The following SGIP1 variants were observed in gnomAD, a reference collection of about 807,000 sequenced individuals.
SGIP1 encodes SH3GL interacting endocytic adaptor 1, also known as SH3-containing GRB2-like protein 3-interacting protein 1.
A neutral mutation model predicts 107.5 loss-of-function variants in SGIP1; 38 were observed. The ratio of observed to expected loss-of-function variants is 0.35; its 90% CI spans 0.27 to 0.46. The LOEUF (loss-of-function observed/expected upper bound fraction) is 0.46. Among genes scored for constraint, SGIP1 ranks in the 20% least tolerant of loss-of-function variants. The pLI is 1.00. For missense variants in SGIP1, 929 were observed against 1,019.5 expected, an observed-to-expected ratio of 0.91 and a Z score of 1.21; for synonymous variants, 365 against 366.1, an observed-to-expected ratio of 1.00 and a Z score of 0.03.
chr1:66,608,392 T>C (rs1287674457), intron 1 of SGIP1, among the ~76,000 whole-genome samples: 1 of 152,260 alleles, frequency 6.6e-6, no homozygotes, highest in African/African-American at 2.4e-5. Flanking sequence ...ATATATATTC[T>C]TGCTAATACA....
intron 7 of SGIP1, among the ~76,000 whole-genome samples, chr1:66,645,246 G>T (rs1183824576): frequency 1.3e-5 from 2 of 152,206 alleles, no homozygotes; most frequent in Non-Finnish European, 2.9e-5. Context: ...CACAGTCCCA[G>T]AAACATAGTG....
At chr1:66,616,619 C>T (rs2069381782) in intron 1 of SGIP1, among the ~76,000 whole-genome samples, 2 of 152,142 alleles carry the variant, frequency 1.3e-5, no homozygotes, top group Admixed American at 1.3e-4. Flanking sequence ...TGTGTCTGCT[C>T]CCCATGGATC....
chr1:66,633,974 C>T (rs1388521625), intron 3 of SGIP1: 1 of 928,274 alleles, frequency 1.1e-6, no homozygotes, highest in Non-Finnish European at 1.6e-6. Context: ...AGGTTCTTAG[C>T]TTTGGGGCGC....
At chr1:66,688,768 A>G (rs1046885855) in intron 15 of SGIP1, among the ~76,000 whole-genome samples, 2 of 152,202 alleles carry the variant, frequency 1.3e-5, no homozygotes, top group African/African-American at 2.4e-5. Context: ...CATCTTGGAC[A>G]TAAATTCTAC....
intron 1 of SGIP1, among the ~76,000 whole-genome samples, chr1:66,549,230 T>C (rs1258205632): frequency 2.0e-5 from 3 of 151,988 alleles, no homozygotes; most frequent in Non-Finnish European, 4.4e-5. Context: ...TTCCTCTCTT[T>C]CTTTTTTCTT....
At chr1:66,731,337 A>C (rs1287438496) in intron 20 of SGIP1, among the ~76,000 whole-genome samples, 1 of 152,216 alleles carries the variant, frequency 6.6e-6, no homozygotes, top group Non-Finnish European at 1.5e-5. Flanking sequence ...GTTTGTTTGT[A>C]AATATGACTG....
At chr1:66,711,851 G>A (rs1044813056) in intron 18 of SGIP1, among the ~76,000 whole-genome samples, 3 of 152,158 alleles carry the variant, frequency 2.0e-5, no homozygotes, top group African/African-American at 7.2e-5. Flanking sequence ...AAAATATGCA[G>A]TTCTTATGGC....
At chr1:66,660,429 G>A in intron 7 of SGIP1, 84 bp from the exon 8 acceptor site, 2 of 1,317,300 alleles carry the variant, frequency 1.5e-6, no homozygotes, top group Non-Finnish European at 2.2e-6. Context: ...AGGTTATCCT[G>A]AACCTTGACC....
chr1:66,636,079 A>G, intron 4 of SGIP1, 64 bp downstream of exon 4: 2 of 1,484,592 alleles, frequency 1.3e-6, no homozygotes, highest in Non-Finnish European at 1.9e-6. Context: ...GTAAAATCCC[A>G]ATTTAAAATT....
At chr1:66,556,413 C>G (rs1425363651) in intron 1 of SGIP1, among the ~76,000 whole-genome samples, 1 of 152,136 alleles carries the variant, frequency 6.6e-6, no homozygotes, top group Non-Finnish European at 1.5e-5. Flanking sequence ...CAGCTCTTCA[C>G]TGCAAGCCTC....
chr1:66,567,855 TG>T (rs1417111829), intron 1 of SGIP1, among the ~76,000 whole-genome samples: 1 of 152,180 alleles, frequency 6.6e-6, no homozygotes, highest in Non-Finnish European at 1.5e-5. Flanking sequence ...TCTGTTCACT[TG>T]GTCTACATGT....
At chr1:66,590,610 A>C (rs1474346545) in intron 1 of SGIP1, 2 of 152,124 alleles carry the variant, frequency 1.3e-5, no homozygotes, top group Non-Finnish European at 2.9e-5. Context: ...TTAGTAGGTA[A>C]ATGAATAAAC....
intron 1 of SGIP1, among the ~76,000 whole-genome samples, chr1:66,537,518 G>A (rs2053906235): frequency 6.6e-6 from 1 of 152,096 alleles, no homozygotes; most frequent in Non-Finnish European, 1.5e-5. Flanking sequence ...ATTTGTGAGG[G>A]TGTCTAGAAA....
intron 1 of SGIP1, among the ~76,000 whole-genome samples, chr1:66,604,610 T>C (rs1277999025): frequency 1.3e-5 from 2 of 152,334 alleles, no homozygotes; most frequent in South Asian, 4.1e-4. Flanking sequence ...CAATGGTAAA[T>C]AGACAAAATA....
chr1:66,611,178 G>C (rs1366094364), intron 1 of SGIP1, among the ~76,000 whole-genome samples: 1 of 152,184 alleles, frequency 6.6e-6, no homozygotes, highest in Admixed American at 6.5e-5. Flanking sequence ...AATGTGATAA[G>C]TGATTGATTT....
chr1:66,648,171 C>T (rs1478128660), intron 7 of SGIP1, among the ~76,000 whole-genome samples: 4 of 152,146 alleles, frequency 2.6e-5, no homozygotes, highest in Admixed American at 2.6e-4. Context: ...ATGTGGGCCA[C>T]ACTAGGAAGG....
At chr1:66,574,465 T>C (rs908029402) in intron 1 of SGIP1, among the ~76,000 whole-genome samples, 2 of 152,170 alleles carry the variant, frequency 1.3e-5, no homozygotes, top group African/African-American at 4.8e-5. Context: ...CCTAGTATAA[T>C]TCTGGATTAT....
At chr1:66,580,783 C>A (rs1032776511) in intron 1 of SGIP1, among the ~76,000 whole-genome samples, 1 of 152,086 alleles carries the variant, frequency 6.6e-6, no homozygotes, top group African/African-American at 2.4e-5. Context: ...GACTACATAG[C>A]GCTTTTTATG....
chr1:66,538,761 A>G (rs1276796290), intron 1 of SGIP1, among the ~76,000 whole-genome samples: 1 of 152,194 alleles, frequency 6.6e-6, no homozygotes, highest in Non-Finnish European at 1.5e-5. Context: ...AATATTTGCC[A>G]TAAAATGTGT....
Sources: allele counts gnomAD v4.1 joint callset (sites outside exome capture counted in the v4.1 genomes callset), GRCh38; gene constraint gnomAD v4.1.1; transcripts MANE v1.5; gene names NCBI Gene and HGNC (gene_info 2026-07-23, HGNC 2026-07-21).